Variants in FAAH2 observed in about 807,000 individuals in gnomAD.
FAAH2 encodes the protein fatty acid amide hydrolase 2.
FAAH2 carries 60 observed loss-of-function variants against 36.9 expected under a neutral mutation model. That is an observed-to-expected ratio of 1.63 (90% CI 1.32 to 2.02). The LOEUF is 2.02. Among genes scored for constraint, FAAH2 ranks in the 30% most tolerant of loss-of-function variants. The pLI is 0.00. For missense variants in FAAH2, 689 were observed against 397.5 expected (o/e 1.73, Z -6.23); for synonymous variants, 214 against 143.8 (o/e 1.49, Z -3.49).
the FAAH2 span, among the ~76,000 whole-genome samples, chrX:57,138,676 C>T: frequency 2.7e-5 from 3 of 111,308 alleles, no homozygotes; most frequent in Middle Eastern, 9.2e-3. Context: ...TATATCCCCA[C>T]GAGCAATTTA....
chrX:57,320,300 A>T (rs1484291552), intron 3 of FAAH2, among the ~76,000 whole-genome samples: 1 of 112,313 alleles, frequency 8.9e-6, no homozygotes, highest in African/African-American at 3.2e-5. Context: ...AGAATCTACA[A>T]GAAACTTAAA....
chrX:57,178,556 A>G, the FAAH2 span, among the ~76,000 whole-genome samples: 1 of 111,441 alleles, frequency 9.0e-6, no homozygotes, highest in East Asian at 2.8e-4. Flanking sequence ...CGGCAAGAAA[A>G]GGGCAAAGTT....
At chrX:57,455,116 C>G (rs2056845414) in intron 10 of FAAH2, among the ~76,000 whole-genome samples, 1 of 111,636 alleles carries the variant, frequency 9.0e-6, no homozygotes, top group Non-Finnish European at 1.9e-5. Context: ...TGTAAGAAAC[C>G]TACAAGTGAG....
intron 2 of FAAH2, among the ~76,000 whole-genome samples, chrX:57,300,212 C>G (rs1386627119): frequency 1.1e-4 from 12 of 111,573 alleles, no homozygotes; most frequent in Non-Finnish European, 2.3e-4. Flanking sequence ...AACTATACTA[C>G]AAGGCTACAG....
chrX:57,433,706 C>A (rs751403475), intron 8 of FAAH2, among the ~76,000 whole-genome samples: 2 of 112,181 alleles, frequency 1.8e-5, no homozygotes, highest in Non-Finnish European at 3.8e-5. Flanking sequence ...AAACACTAGA[C>A]CTTATTTCTT....
At chrX:57,169,945 C>T in the FAAH2 span, among the ~76,000 whole-genome samples, 3 of 109,672 alleles carry the variant, frequency 2.7e-5, no homozygotes, top group South Asian at 1.2e-3. Context: ...GATTCATGAA[C>T]TATGTGGCCT....
the FAAH2 span, among the ~76,000 whole-genome samples, chrX:57,122,520 T>A: frequency 8.9e-6 from 1 of 112,535 alleles, no homozygotes; most frequent in Non-Finnish European, 1.9e-5. Context: ...TATAGTTTTA[T>A]AAATCAGTGG....
chrX:57,358,261 C>T (rs1602394268), intron 5 of FAAH2, among the ~76,000 whole-genome samples: 1 of 109,821 alleles, frequency 9.1e-6, no homozygotes, highest in African/African-American at 3.3e-5. Context: ...AAACAGTAGT[C>T]TTCATTTGGG....
intron 10 of FAAH2, among the ~76,000 whole-genome samples, chrX:57,476,491 T>A (rs1165307820): frequency 9.0e-6 from 1 of 111,578 alleles, no homozygotes; most frequent in Non-Finnish European, 1.9e-5. Flanking sequence ...GGATTACGTT[T>A]TGATTTTCAT....
the FAAH2 span, among the ~76,000 whole-genome samples, chrX:57,241,933 G>A: frequency 3.6e-5 from 4 of 111,174 alleles, no homozygotes; most frequent in Non-Finnish European, 7.5e-5. Flanking sequence ...AAAGGCAACA[G>A]CCCCAGTCAG....
intron 3 of FAAH2, among the ~76,000 whole-genome samples, chrX:57,316,325 G>A (rs774633530): frequency 3.4e-4 from 38 of 111,660 alleles, no homozygotes; most frequent in Non-Finnish European, 5.7e-4. Context: ...CAGATTTAAC[G>A]CTATTCCTAC....
the FAAH2 span, among the ~76,000 whole-genome samples, chrX:57,152,588 C>T: frequency 8.9e-6 from 1 of 112,502 alleles, no homozygotes; most frequent in South Asian, 3.7e-4. Context: ...GATATAATCT[C>T]TTGGTGTCCC....
the FAAH2 span, among the ~76,000 whole-genome samples, chrX:57,196,362 T>C: frequency 5.4e-5 from 6 of 112,074 alleles, no homozygotes; most frequent in Non-Finnish European, 1.1e-4. Context: ...ATTCTCAGCT[T>C]GGTCACTGTT....
intron 5 of FAAH2, among the ~76,000 whole-genome samples, chrX:57,373,373 G>GCATC (rs2054597790): frequency 1.0e-5 from 1 of 97,391 alleles, no homozygotes; most frequent in Non-Finnish European, 2.1e-5. Flanking sequence ...CTTTTTCAAT[G>GCATC]CATCCATGCC....
chrX:57,220,796 G>A, the FAAH2 span, among the ~76,000 whole-genome samples: 9 of 111,569 alleles, frequency 8.1e-5, no homozygotes, highest in African/African-American at 2.6e-4. Flanking sequence ...CCCTCTCTGC[G>A]GAGAACCCCA....
the FAAH2 span, among the ~76,000 whole-genome samples, chrX:57,248,753 CA>C: frequency 0.052 from 751 of 14,442 alleles, no homozygotes; most frequent in African/African-American, 0.1. Flanking sequence ...AGCTCCGTCT[CA>C]AAAAAAAAAA....
chrX:57,417,889 C>A (rs979285932), intron 7 of FAAH2, among the ~76,000 whole-genome samples: 1 of 111,922 alleles, frequency 8.9e-6, no homozygotes, highest in Non-Finnish European at 1.9e-5. Flanking sequence ...CTGTAAGCTG[C>A]TGACTGGGGC....
upstream of FAAH2, among the ~76,000 whole-genome samples, chrX:57,285,491 G>A (rs773360366): frequency 3.6e-5 from 4 of 111,803 alleles, no homozygotes; most frequent in Non-Finnish European, 7.5e-5. Flanking sequence ...ACACATAACA[G>A]AGGGTTGTAA....
chrX:57,388,925 G>A (rs1028225555), intron 7 of FAAH2, among the ~76,000 whole-genome samples: 2 of 109,258 alleles, frequency 1.8e-5, no homozygotes, highest in Non-Finnish European at 3.8e-5. Flanking sequence ...ATGTCTTTTC[G>A]TGGCTTGGTA....
Sources: gnomAD v4.1 joint callset for allele counts (sites outside exome capture counted in the v4.1 genomes callset) on GRCh38, gnomAD v4.1.1 for gene constraint, MANE v1.5 for transcripts, NCBI Gene and HGNC (gene_info 2026-07-23, HGNC 2026-07-21) for gene names.